The following KRAS variants were observed in gnomAD, a reference collection of about 807,000 sequenced individuals.
KRAS encodes KRas proto-oncogene, GTPase, also known as GTPase KRas.
In KRAS, 1 loss-of-function variant was observed where a neutral mutation model predicts 21.0. The ratio of observed to expected loss-of-function variants is 0.05; its 90% CI spans 0.02 to 0.23. The LOEUF (loss-of-function observed/expected upper bound fraction) is 0.23, where lower values mean the gene tolerates loss of function less well. Ranked by LOEUF, KRAS falls within the 10% of genes least tolerant of loss-of-function variation. The pLI is 1.00. For missense variants in KRAS, 107 were observed against 221.8 expected (o/e 0.48, Z 3.29); for synonymous variants, 67 against 72.5 (o/e 0.92, Z 0.39).
rs1951173344 is a variant in KRAS, at chr12:25,208,937, T to C, written c.*858A>G. The C allele has an allele frequency of 3.5e-6, 1 of 288,654 alleles. No homozygotes were observed. The highest frequency in any genetic ancestry group is 5.1e-5 in the East Asian group (1 of 19,516). 17.9% of individuals were successfully genotyped at this position (288,654 alleles called of 1,614,324 possible). A position where few individuals can be genotyped will look rare whatever the true frequency, so the allele number is the denominator to read the frequency against. On this transcript the variant is annotated 3_prime_UTR_variant, in exon 5 of 5. Coordinates refer to ENST00000311936, the MANE Select transcript of KRAS (RefSeq NM_004985.5). ...AAAGTTATACTATGAAAGAGCAGTC[T>C]GACACAGGGAGACTACATTTAATTC... is the stretch of plus-strand genomic sequence containing the variant.
chr12:25,225,286 T>TTATTTTTATATATATATATA (rs1486092988), intron 4 of KRAS: 20 of 10,606 alleles, frequency 1.9e-3, no homozygotes, highest in East Asian at 8.3e-3. Flanking sequence ...GCCCTGTTCT[T>TTATTTTTATATATATATATA]TATATATATA....
At chr12:25,225,487 A>T (rs1019470157) in intron 4 of KRAS, 127 bp downstream of exon 4, 15 of 1,015,674 alleles carry the variant, frequency 1.5e-5, no homozygotes, top group Non-Finnish European at 2.1e-5. Flanking sequence ...TCAAGAGACA[A>T]AAACATTTAC....
chr12:25,241,605 G>A (rs1419510079), intron 2 of KRAS, among the ~76,000 whole-genome samples: 2 of 152,170 alleles, frequency 1.3e-5, no homozygotes, highest in Non-Finnish European at 2.9e-5. Flanking sequence ...TAAAGCTACA[G>A]GTTAACATAT....
intron 4 of KRAS, chr12:25,215,631 G>T: frequency 7.6e-7 from 1 of 1,312,726 alleles, no homozygotes. Context: ...AAAGCCATGT[G>T]CAAGAAGTTT....
chr12:25,250,342 G>A (rs1458240119), intron 1 of KRAS, among the ~76,000 whole-genome samples: 1 of 152,034 alleles, frequency 6.6e-6, no homozygotes, highest in South Asian at 2.1e-4. Flanking sequence ...GCGGGAGCGG[G>A]GAGAGGGGGA....
rs397517476 is a variant in KRAS at position 25,215,515 on chromosome 12, A to G, written c.451-5604T>C. The stretch of plus-strand genomic sequence containing the variant: ...TCTTTGCTGATTTTTTTCAATCTGT[A>G]TTGTCGGATCTCTCTCACCAATGTA... On this transcript the variant is annotated intron_variant, in intron 4 of 4. Coordinates refer to ENST00000311936, the MANE Select transcript of KRAS (RefSeq NM_004985.5). 13 of 1,612,144 alleles carry G rather than the reference A, an allele frequency of 8.1e-6. No individual in the cohort carries two copies. The East Asian group carries it at 1.8e-4, about 22-fold the overall frequency.
At chr12:25,216,463 C>G in intron 4 of KRAS, among the ~76,000 whole-genome samples, 1 of 152,154 alleles carries the variant, frequency 6.6e-6, no homozygotes, top group Middle Eastern at 3.4e-3. Context: ...TTCGTAGAGA[C>G]AGGGTTTTGC....
chr12:25,243,999 T>C (rs917570992), intron 2 of KRAS, among the ~76,000 whole-genome samples: 2 of 152,212 alleles, frequency 1.3e-5, no homozygotes, highest in African/African-American at 4.8e-5. Flanking sequence ...AGGCATTATT[T>C]CTCCACTTTT....
chr12:25,224,293 G>A (rs898287317), intron 4 of KRAS, among the ~76,000 whole-genome samples: 1 of 151,534 alleles, frequency 6.6e-6, no homozygotes, highest in Admixed American at 6.6e-5. Flanking sequence ...ACAGCTCCAC[G>A]TGTGTTACTG....
intron 4 of KRAS, among the ~76,000 whole-genome samples, chr12:25,213,274 A>T (rs956039689): frequency 6.6e-6 from 1 of 152,212 alleles, no homozygotes; most frequent in African/African-American, 2.4e-5. Context: ...TTCATTTTAA[A>T]TATAAATTAG....
chr12:25,240,052 T>A (rs1247113854), intron 2 of KRAS, among the ~76,000 whole-genome samples: 1 of 152,190 alleles, frequency 6.6e-6, no homozygotes, highest in East Asian at 1.9e-4. Flanking sequence ...ATGTTTTATT[T>A]TGAAAAAATT....
intron 4 of KRAS, among the ~76,000 whole-genome samples, chr12:25,213,011 G>A (rs1951214795): frequency 6.6e-6 from 1 of 152,010 alleles, no homozygotes; most frequent in Admixed American, 6.6e-5. Flanking sequence ...CAATCCTCCT[G>A]CCTCAGGCTC....
At chr12:25,233,431 G>A (rs1166008822) in intron 2 of KRAS, among the ~76,000 whole-genome samples, 1 of 152,160 alleles carries the variant, frequency 6.6e-6, no homozygotes, top group African/African-American at 2.4e-5. Context: ...GTGTGTACCT[G>A]TAGTCCCAGC....
At chr12:25,237,866 G>T (rs1034318901) in intron 2 of KRAS, among the ~76,000 whole-genome samples, 16 of 152,116 alleles carry the variant, frequency 1.1e-4, no homozygotes, top group African/African-American at 3.9e-4. Context: ...TTCAGAAACA[G>T]TATCTTCTCC....
intron 3 of KRAS, 25 bp downstream of exon 3, chr12:25,227,209 C>T (rs557721230): frequency 6.5e-7 from 1 of 1,542,284 alleles, no homozygotes; most frequent in East Asian, 2.2e-5. Context: ...TTAATGTCAG[C>T]TTATTATATT....
At chr12:25,234,024 T>C (rs1951512029) in intron 2 of KRAS, 1 of 189,220 alleles carries the variant, frequency 5.3e-6, no homozygotes, top group African/African-American at 2.3e-5. Flanking sequence ...GATTTTTTAA[T>C]CTTTCAACAA....
chr12:25,242,504 T>G lies in KRAS; in HGVS notation c.111+2770A>C, dbSNP rs61761081. ...TTTTGAGTTTTCAATAATCTTGCCCTAATAACGAGGTATTTCATTATCTCT... is the reference window on the plus strand; with the variant it reads ...TTTTGAGTTTTCAATAATCTTGCCCGAATAACGAGGTATTTCATTATCTCT... On this transcript the variant is annotated intron_variant, in intron 2 of 4. Transcript: ENST00000311936. Among the ~76,000 whole-genome samples the G allele has an allele frequency of 2.0e-3, 311 of 152,314 alleles. 1 individual carries two copies. The highest frequency in any genetic ancestry group is 7.0e-3 in the African/African-American group (292 of 41,574).
chr12:25,222,680 A>C (rs1951342420), intron 4 of KRAS, among the ~76,000 whole-genome samples: 1 of 152,196 alleles, frequency 6.6e-6, no homozygotes, highest in East Asian at 1.9e-4. Flanking sequence ...CTTCAAAAAA[A>C]CAAATCAAAC....
At chr12:25,212,731 GTT>G (rs1294954947) in intron 4 of KRAS, among the ~76,000 whole-genome samples, 2 of 151,908 alleles carry the variant, frequency 1.3e-5, no homozygotes, top group Non-Finnish European at 2.9e-5. Flanking sequence ...ATTTATATAT[GTT>G]TATCATTGTC....
Sources: gnomAD v4.1 joint callset for allele counts (sites outside exome capture counted in the v4.1 genomes callset) on GRCh38, gnomAD v4.1.1 for gene constraint, MANE v1.5 for transcripts, NCBI Gene and HGNC (gene_info 2026-07-23, HGNC 2026-07-21) for gene names.